The following MLLT10 variants were observed in gnomAD, a reference collection of about 807,000 sequenced individuals.
The protein encoded by MLLT10 is MLLT10 histone lysine methyltransferase DOT1L cofactor.
Under a neutral mutation model 129.1 loss-of-function variants are expected in MLLT10, and 30 were observed. The observed-to-expected ratio is 0.23, with a 90% CI of 0.17 to 0.32. MLLT10 has a LOEUF of 0.32. MLLT10 is among the 10% of genes least tolerant of loss of function. The pLI is 1.00. For synonymous variants in MLLT10, 490 were observed against 446.4 expected, an observed-to-expected ratio of 1.10 and a Z score of -1.23; for missense variants, 1,119 against 1,268.3, an observed-to-expected ratio of 0.88 and a Z score of 1.79.
rs374181589 is a variant in MLLT10, at chr10:21,586,704, T to G, written c.295+356T>G. On this transcript the variant is annotated intron_variant, in intron 4 of 22. Coordinates refer to ENST00000307729, the MANE Select transcript of MLLT10 (RefSeq NM_001195626.3). ...GGAGTCGAGACCAGCCTGGCCAACA[T>G]AGTGAAACCTGGTTTCTACTAAAAA... 2.4e-3 allele frequency among the ~76,000 whole-genome samples: 361 copies of G among 152,024 alleles called. 12 individuals carry two copies. The South Asian group carries it at 0.072, about 30-fold the overall frequency.
At chr10:21,642,146 T>G (rs569639475) in intron 8 of MLLT10, among the ~76,000 whole-genome samples, 2 of 151,438 alleles carry the variant, frequency 1.3e-5, no homozygotes, top group East Asian at 3.9e-4. Context: ...AGGCCAGGAG[T>G]TCGAGACCAG....
At chr10:21,680,999 C>A (rs998431048) in intron 11 of MLLT10, among the ~76,000 whole-genome samples, 2 of 151,854 alleles carry the variant, frequency 1.3e-5, no homozygotes, top group African/African-American at 4.8e-5. Flanking sequence ...TATCATGTTG[C>A]GAATCATACT....
At chr10:21,692,246 G>C (rs1325066221) in intron 13 of MLLT10, among the ~76,000 whole-genome samples, 2 of 151,856 alleles carry the variant, frequency 1.3e-5, no homozygotes, top group Admixed American at 1.3e-4. Context: ...AATATGAAAA[G>C]ACTAGACATA....
At chr10:21,672,801 A>G (rs765630469) in intron 10 of MLLT10, among the ~76,000 whole-genome samples, 1 of 152,214 alleles carries the variant, frequency 6.6e-6, no homozygotes, top group Non-Finnish European at 1.5e-5. Context: ...AACAATAACA[A>G]TCACTAGTAT....
At chr10:21,715,655 T>C (rs1160170255) in intron 14 of MLLT10, among the ~76,000 whole-genome samples, 3 of 152,164 alleles carry the variant, frequency 2.0e-5, no homozygotes, top group Non-Finnish European at 4.4e-5. Context: ...TAAGTAAAAA[T>C]CCCCATTTCT....
chr10:21,630,939 C>G (rs1257866327), intron 8 of MLLT10, among the ~76,000 whole-genome samples: 1 of 152,176 alleles, frequency 6.6e-6, no homozygotes, highest in Non-Finnish European at 1.5e-5. Flanking sequence ...CACACCCACC[C>G]ACTCTTGTGG....
chr10:21,652,293 A>C (rs2131325012), intron 9 of MLLT10, among the ~76,000 whole-genome samples: 1 of 152,312 alleles, frequency 6.6e-6, no homozygotes. Context: ...AAGGATAACA[A>C]GTGGGAACCA....
intron 13 of MLLT10, among the ~76,000 whole-genome samples, chr10:21,709,928 T>C (rs1052168590): frequency 3.9e-5 from 6 of 152,120 alleles, no homozygotes; most frequent in African/African-American, 1.4e-4. Context: ...TTTGCATTTT[T>C]GGTAGAGATA....
At chr10:21,603,189 A>AT (rs1321746438) in intron 5 of MLLT10, among the ~76,000 whole-genome samples, 1 of 148,458 alleles carries the variant, frequency 6.7e-6, no homozygotes, top group Non-Finnish European at 1.5e-5. Flanking sequence ...AGTAGCTGGG[A>AT]TTATAGGTGT....
intron 3 of MLLT10, chr10:21,557,545 C>G (rs2130983671): frequency 6.5e-6 from 1 of 152,962 alleles, no homozygotes; most frequent in East Asian, 1.9e-4. Context: ...TTCCCTCTTT[C>G]TCCTTCCGTG....
rs2057652441 is a variant in MLLT10, at chr10:21,727,944, A to G, written c.2063+16A>G. ...TCTCGCCACGGTAAGCGCTATTTAC[A>G]CTGCAAAGTATAGGCAAAGGAAACG... On this transcript the variant is annotated intron_variant, in intron 16 of 22. Transcript: ENST00000307729. 5 of 1,611,208 alleles carry G rather than the reference A, an allele frequency of 3.1e-6. No individual in the cohort carries two copies. The highest frequency in any genetic ancestry group is 3.3e-4 in the Middle Eastern group (2 of 6,058).
chr10:21,622,453 C>T (rs2045981270), intron 8 of MLLT10, among the ~76,000 whole-genome samples: 1 of 151,852 alleles, frequency 6.6e-6, no homozygotes, highest in Non-Finnish European at 1.5e-5. Context: ...GCGTTAGCCA[C>T]CACCCAGGCT....
At chr10:21,553,554 T>C (rs1342154596) in intron 3 of MLLT10, among the ~76,000 whole-genome samples, 1 of 151,982 alleles carries the variant, frequency 6.6e-6, no homozygotes, top group Non-Finnish European at 1.5e-5. Flanking sequence ...CTCAAACTCC[T>C]GGCCTCAAGT....
Position 21,724,703 on chromosome 10 carries a change from T to C in MLLT10, c.1879-1541T>C, listed in dbSNP as rs370984449. 2.6e-5 allele frequency among the ~76,000 whole-genome samples: 4 copies of C among 152,348 alleles called. No individual in the cohort carries two copies. In the East Asian group the frequency reaches 7.7e-4, roughly 29 times the overall value. ...AACAGCATTTTGTATACAAGAGATT[T>C]GCCTCCAAAATGTCAAATTTTAAGG... On this transcript the variant is annotated intron_variant, in intron 14 of 22. Transcript: ENST00000307729.
At chr10:21,704,030 T>G (rs1023442523) in intron 13 of MLLT10, among the ~76,000 whole-genome samples, 2 of 138,986 alleles carry the variant, frequency 1.4e-5, no homozygotes, top group African/African-American at 5.4e-5. Flanking sequence ...TTTTTTTTTT[T>G]TTTTTTTTTG....
chr10:21,673,334 T>A lies in MLLT10; in HGVS notation c.1052-16T>A. 1 of 1,117,352 alleles carries A rather than the reference T, an allele frequency of 8.9e-7. No individual in the cohort carries two copies. The highest frequency in any genetic ancestry group is 1.2e-6 in the Non-Finnish European group (1 of 865,938). The allele number at this position is 1,117,352 out of a possible 1,614,324, so 69.2% of individuals were successfully genotyped here. A position where few individuals can be genotyped will look rare whatever the true frequency, so the allele number is the denominator to read the frequency against. On this transcript the variant is annotated splice_polypyrimidine_tract_variant and intron_variant, in intron 10 of 22. Coordinates refer to ENST00000307729, the MANE Select transcript of MLLT10 (RefSeq NM_001195626.3). ...ACCCCCCAACTTTTTTTTTTTTTTTTTTTTTTAAACTACAGGCAGTTTTTC... is the reference window on the plus strand; with the variant it reads ...ACCCCCCAACTTTTTTTTTTTTTTTATTTTTTAAACTACAGGCAGTTTTTC...
intron 5 of MLLT10, among the ~76,000 whole-genome samples, chr10:21,608,465 C>T (rs1465965135): frequency 6.6e-6 from 1 of 152,050 alleles, no homozygotes; most frequent in Admixed American, 6.6e-5. Flanking sequence ...ATGTGAGTTA[C>T]CACTCCTAGC....
At chr10:21,616,705 CTT>C (rs1031459889) in intron 7 of MLLT10, among the ~76,000 whole-genome samples, 8 of 151,904 alleles carry the variant, frequency 5.3e-5, no homozygotes, top group Non-Finnish European at 5.9e-5. Flanking sequence ...GATTAAAAGT[CTT>C]TTTGCTTTTC....
intron 21 of MLLT10, among the ~76,000 whole-genome samples, chr10:21,739,692 G>A (rs1481577965): frequency 2.6e-5 from 4 of 152,138 alleles, no homozygotes; most frequent in African/African-American, 9.7e-5. Flanking sequence ...GGAACTTTAA[G>A]GTTGTTTTAA....
Sources: allele counts gnomAD v4.1 joint callset (sites outside exome capture counted in the v4.1 genomes callset), GRCh38; gene constraint gnomAD v4.1.1; transcripts MANE v1.5; gene names NCBI Gene and HGNC (gene_info 2026-07-23, HGNC 2026-07-21).